The following GEMIN5 variants were observed in gnomAD, a reference collection of about 807,000 sequenced individuals.
GEMIN5 encodes gem-associated protein 5.
In GEMIN5, 124 loss-of-function variants were observed where a neutral mutation model predicts 176.9. The observed-to-expected ratio is 0.70, with a 90% confidence interval of 0.61 to 0.81. The LOEUF (loss-of-function observed/expected upper bound fraction) is 0.81, where lower values mean the gene tolerates loss of function less well. Among genes scored for constraint, GEMIN5 ranks in the 40% least tolerant of loss-of-function variants. The pLI is 0.00. For synonymous variants in GEMIN5, 673 were observed against 665.2 expected, an observed-to-expected ratio of 1.01 and a Z score of -0.18; for missense variants, 1,843 against 1,814.6, an observed-to-expected ratio of 1.02 and a Z score of -0.28.
At chr5:154,905,333 A>C (rs1763547223) in intron 17 of GEMIN5, 30 bp downstream of exon 17, 1 of 1,088,536 alleles carries the variant, frequency 9.2e-7, no homozygotes, top group African/African-American at 1.6e-5. Context: ...GCTTTAACAA[A>C]ATACTGTATT....
At chr5:154,912,706 C>CA (rs373548362) in intron 14 of GEMIN5, among the ~76,000 whole-genome samples, 193 bp downstream of exon 14, 193 of 141,396 alleles carry the variant, frequency 1.4e-3, no homozygotes, top group African/African-American at 1.8e-3. Context: ...ATCTAAGTAA[C>CA]AAAAAAAAAA....
At chr5:154,911,420 C>T (rs750805357) in intron 15 of GEMIN5, among the ~76,000 whole-genome samples, 3 of 152,042 alleles carry the variant, frequency 2.0e-5, no homozygotes, top group Admixed American at 6.5e-5. Flanking sequence ...GGTCAAGGTG[C>T]GAGAATTGCT....
At chr5:154,901,085 G>A (rs1763451034) in intron 21 of GEMIN5, among the ~76,000 whole-genome samples, 1 of 152,134 alleles carries the variant, frequency 6.6e-6, no homozygotes, top group Non-Finnish European at 1.5e-5. Context: ...CAGCACTTTG[G>A]GAGGCTGAGG....
chr5:154,931,383 G>C (rs1764157514), intron 5 of GEMIN5, 75 bp downstream of exon 5: 2 of 1,438,230 alleles, frequency 1.4e-6, no homozygotes, highest in African/African-American at 1.4e-5. Flanking sequence ...ACACCCTCAG[G>C]ACAATAAGAA....
In GEMIN5 at chr5:154,917,956, T is replaced by C. The variant is rs112955504; in HGVS notation, c.1648A>G (p.Ile550Val). 4.3e-6 allele frequency: 7 copies of C among 1,612,316 alleles called. No individual in the cohort carries two copies. Among genetic ancestry groups the C allele is most frequent in the African/African-American group, 2.7e-5 (2 of 74,920 alleles). Residue 550 changes from isoleucine to valine, a missense_variant, in exon 12 of 28, where the codon ATC becomes GTC. Ile to Val is a conservative substitution (Grantham distance 29). Transcript: ENST00000285873. ...TEISWKADGK[I>V]MALGNEDGSI... The stretch of plus-strand genomic sequence containing the variant: ...CCATCTTCATTGCCAAGAGCCATGA[T>C]TTTGCCATCTGCTTTCCAACTTATC...
chr5:154,904,748 TC>T, intron 17 of GEMIN5, 119 bp from the exon 18 acceptor site: 1 of 690,306 alleles, frequency 1.4e-6, no homozygotes, highest in Non-Finnish European at 2.5e-6. Flanking sequence ...AGAAAGCTCC[TC>T]CTCCTAATAA....
chr5:154,936,933 T>C (rs995692223), intron 2 of GEMIN5, 92 bp downstream of exon 2: 15 of 933,378 alleles, frequency 1.6e-5, no homozygotes, highest in African/African-American at 6.6e-5. Flanking sequence ...CAAGTTACTT[T>C]GCACAGATGA....
chr5:154,908,945 G>A (rs764924481), intron 15 of GEMIN5, among the ~76,000 whole-genome samples: 16 of 151,968 alleles, frequency 1.1e-4, no homozygotes, highest in Non-Finnish European at 1.9e-4. Context: ...CAAATGGTGA[G>A]TTTGTTTTTT....
intron 23 of GEMIN5, among the ~76,000 whole-genome samples, chr5:154,898,190 T>A (rs1763393309): frequency 6.6e-6 from 1 of 152,314 alleles, no homozygotes; most frequent in African/African-American, 2.4e-5. Flanking sequence ...CATGAGCCAC[T>A]GTGCCCGGCT....
intron 5 of GEMIN5, among the ~76,000 whole-genome samples, chr5:154,929,562 TG>T (rs1232651570): frequency 6.6e-6 from 1 of 152,134 alleles, no homozygotes; most frequent in Non-Finnish European, 1.5e-5. Context: ...AGATCTGAGG[TG>T]GGGTACAAGA....
At chr5:154,892,072 A>C (rs547600759) in intron 25 of GEMIN5, among the ~76,000 whole-genome samples, 1 of 152,334 alleles carries the variant, frequency 6.6e-6, no homozygotes, top group African/African-American at 2.4e-5. Flanking sequence ...TCAGTGACTG[A>C]CTATGCAGCC....
At chr5:154,907,569 T>C (rs1763593415) in intron 16 of GEMIN5, 22 bp downstream of exon 16, 4 of 1,571,714 alleles carry the variant, frequency 2.5e-6, no homozygotes, top group Non-Finnish European at 3.5e-6. Context: ...ATCCTAGTGA[T>C]ACACAGGATT....
In GEMIN5 at chr5:154,889,391, G is replaced by A; in HGVS notation, c.4289C>T (p.Ser1430Phe). The A allele has an allele frequency of 3.1e-6, 5 of 1,609,230 alleles. No individual in the cohort carries two copies. The highest frequency in any genetic ancestry group is 4.3e-6 in the Non-Finnish European group (5 of 1,175,812). ...AAGCCTTTTGGTTAACTCAGGCAGA[G>A]AAAGTGGCTCATTTTTTTCTTCTTT... Reference protein sequence around the residue: ...QCKEEKNEPLSLPELTKRLTE... With the variant: ...QCKEEKNEPLFLPELTKRLTE... Residue 1430 changes from serine to phenylalanine, a missense_variant, in exon 27 of 28, where the codon TCT becomes TTT. Transcript: ENST00000285873.
chr5:154,917,530 AG>A (rs1175414817), intron 12 of GEMIN5, among the ~76,000 whole-genome samples: 1 of 152,236 alleles, frequency 6.6e-6, no homozygotes, highest in Non-Finnish European at 1.5e-5. Flanking sequence ...AAATGATGAT[AG>A]GGAGAAGCTA....
intron 24 of GEMIN5, among the ~76,000 whole-genome samples, chr5:154,893,530 A>G (rs1763283619): frequency 6.6e-6 from 1 of 152,256 alleles, no homozygotes; most frequent in Non-Finnish European, 1.5e-5. Flanking sequence ...ATATAGTTAC[A>G]ACACTACCAG....
At chr5:154,899,077 A>G (rs1763413599) in intron 22 of GEMIN5, 114 bp downstream of exon 22, 1 of 1,024,338 alleles carries the variant, frequency 9.8e-7, no homozygotes. Context: ...TATCTTTTAA[A>G]TAATTCCTTG....
intron 4 of GEMIN5, 63 bp from the exon 5 acceptor site, chr5:154,931,640 T>C (rs1764166834): frequency 1.4e-6 from 2 of 1,423,760 alleles, no homozygotes; most frequent in Non-Finnish European, 1.9e-6. Context: ...ATAAAAAAAT[T>C]AGTTTGCAAG....
intron 6 of GEMIN5, 33 bp downstream of exon 6, chr5:154,928,494 A>G (rs757845418): frequency 5.6e-6 from 9 of 1,609,202 alleles, no homozygotes; most frequent in East Asian, 2.2e-5. Context: ...AAAACAAAAT[A>G]TATCTGAGAA....
Position 154,902,607 on chromosome 5 carries a change from T to C in GEMIN5, c.2798A>G (p.Lys933Arg), listed in dbSNP as rs1232079642. ...HQLMLWKGDLKGVLQTAAERG... is the reference protein window; with the variant it reads ...HQLMLWKGDLRGVLQTAAERG... The stretch of plus-strand genomic sequence containing the variant: ...TTCTGCTGCAGTCTGGAGAACACCT[T>C]TGAGATCTCCTTTCCAAAGCATAAG... The change falls in exon 20 of 28, where the codon AAA becomes AGA. Residue 933 changes from lysine (K) to arginine (R), a missense_variant. Transcript: ENST00000285873. The C allele has an allele frequency of 2.5e-6, 4 of 1,613,528 alleles. No individual in the cohort carries two copies. Among genetic ancestry groups the C allele is most frequent in the Non-Finnish European group, 3.4e-6 (4 of 1,179,548 alleles).
Sources: gnomAD v4.1 joint callset for allele counts (sites outside exome capture counted in the v4.1 genomes callset) on GRCh38, gnomAD v4.1.1 for gene constraint, MANE v1.5 for transcripts, NCBI Gene and HGNC (gene_info 2026-07-23, HGNC 2026-07-21) for gene names.